Variants in NRXN3 observed in about 807,000 individuals in gnomAD.
NRXN3 encodes the protein neurexin III.
A neutral mutation model predicts 137.6 loss-of-function variants in NRXN3; 32 were observed. The observed-to-expected ratio is 0.23, with a 90% confidence interval of 0.18 to 0.31. The LOEUF (loss-of-function observed/expected upper bound fraction) is 0.31. NRXN3 is among the 10% of genes least tolerant of loss of function. The pLI is 1.00. For synonymous variants in NRXN3, 798 were observed against 784.5 expected (o/e 1.02, Z -0.29); for missense variants, 1,574 against 2,062.5 (o/e 0.76, Z 4.59).
At chr14:78,296,122 G>A (rs1341053282) in intron 3 of NRXN3, among the ~76,000 whole-genome samples, 5 of 147,418 alleles carry the variant, frequency 3.4e-5, no homozygotes, top group Admixed American at 6.8e-5. Context: ...GCAGTGGTGC[G>A]ATCATAGCTC....
At chr14:79,194,402 G>A (rs11625721) in intron 15 of NRXN3, among the ~76,000 whole-genome samples, 34,659 of 152,110 alleles carry the variant, frequency 0.23, 4,499 homozygotes, top group Non-Finnish European at 0.3. Context: ...AACATATTTG[G>A]TGTTGCACTG....
Position 78,345,285 on chromosome 14 carries a change from A to G in NRXN3, c.757+47425A>G, listed in dbSNP as rs376639669. ...AAGGGCACCCGGGTTTATGGCAGCA[A>G]TATTTCTCACAGTGTCAGAGATAAA... is the stretch of plus-strand genomic sequence containing the variant. On this transcript the variant is annotated intron_variant, in intron 4 of 20. Coordinates refer to ENST00000335750, the MANE Select transcript of NRXN3 (RefSeq NM_001330195.2). 2.6e-5 allele frequency among the ~76,000 whole-genome samples: 4 copies of G among 152,188 alleles called. No homozygotes were observed. The South Asian group carries it at 8.3e-4, about 31-fold the overall frequency.
intron 8 of NRXN3, among the ~76,000 whole-genome samples, chr14:78,756,545 CAAAA>C (rs869164043): frequency 4.2e-5 from 3 of 70,812 alleles, no homozygotes; most frequent in Non-Finnish European, 6.3e-5. Context: ...GATTCTGTCT[CAAAA>C]AAAAAAAAAA....
At chr14:78,388,182 A>G (rs1436518433) in intron 4 of NRXN3, among the ~76,000 whole-genome samples, 4 of 152,200 alleles carry the variant, frequency 2.6e-5, no homozygotes, top group African/African-American at 9.6e-5. Flanking sequence ...CTTCAGTTAC[A>G]TAATGTGCCT....
At chr14:79,056,652 G>A (rs984120195) in intron 15 of NRXN3, among the ~76,000 whole-genome samples, 1 of 152,178 alleles carries the variant, frequency 6.6e-6, no homozygotes, top group Admixed American at 6.5e-5. Flanking sequence ...AGAACCTTTA[G>A]ATCTTATGAA....
Position 78,669,088 on chromosome 14 carries a change from C to T in NRXN3, c.1221+17762C>T, listed in dbSNP as rs966654186. Among the ~76,000 whole-genome samples the T allele has an allele frequency of 2.6e-5, 4 of 151,896 alleles. No homozygotes were observed. The East Asian group carries it at 7.7e-4, about 29-fold the overall frequency. ...CCTGATCTGAGATATTAGAGATGGT[C>T]TCCTGAAAGAGAAAGAACATGAACA... On this transcript the variant is annotated intron_variant, in intron 6 of 20. Coordinates refer to ENST00000335750, the MANE Select transcript of NRXN3 (RefSeq NM_001330195.2).
chr14:78,477,307 C>G (rs1448970970), intron 4 of NRXN3, among the ~76,000 whole-genome samples: 1 of 152,098 alleles, frequency 6.6e-6, no homozygotes, highest in Non-Finnish European at 1.5e-5. Flanking sequence ...GTATTAATAC[C>G]TTTCTCTTTA....
chr14:79,840,483 T>C (rs1429776147), intron 20 of NRXN3, among the ~76,000 whole-genome samples: 3 of 152,202 alleles, frequency 2.0e-5, no homozygotes. Context: ...GGATCTCCTG[T>C]GGAAGTTGTT....
chr14:79,078,709 T>C (rs1266138863), intron 15 of NRXN3, among the ~76,000 whole-genome samples: 1 of 152,204 alleles, frequency 6.6e-6, no homozygotes, highest in African/African-American at 2.4e-5. Flanking sequence ...TATAATTTTA[T>C]TTACACCAAC....
intron 19 of NRXN3, among the ~76,000 whole-genome samples, chr14:79,717,492 G>A (rs1432337115): frequency 6.6e-6 from 1 of 152,102 alleles, no homozygotes; most frequent in Non-Finnish European, 1.5e-5. Context: ...TGAGAGACTG[G>A]GTCAGGCTTT....
At chr14:78,233,959 CAT>C (rs1473387757) in intron 1 of NRXN3, among the ~76,000 whole-genome samples, 1 of 152,186 alleles carries the variant, frequency 6.6e-6, no homozygotes, top group Non-Finnish European at 1.5e-5. Flanking sequence ...ATAATTCCCA[CAT>C]GTCATGGGAG....
At chr14:78,386,890 C>T (rs2090048731) in intron 4 of NRXN3, among the ~76,000 whole-genome samples, 1 of 151,998 alleles carries the variant, frequency 6.6e-6, no homozygotes, top group Admixed American at 6.6e-5. Context: ...AGTGATTGTC[C>T]TATCTCAGCC....
At chr14:79,711,859 T>TG (rs1306316773) in intron 19 of NRXN3, among the ~76,000 whole-genome samples, 2 of 152,126 alleles carry the variant, frequency 1.3e-5, no homozygotes, top group African/African-American at 4.8e-5. Context: ...ATGATGGAGC[T>TG]GGGGGGATCT....
At chr14:79,171,646 A>G (rs2061788399) in intron 15 of NRXN3, among the ~76,000 whole-genome samples, 1 of 152,180 alleles carries the variant, frequency 6.6e-6, no homozygotes, top group African/African-American at 2.4e-5. Flanking sequence ...ATGCCTGATC[A>G]TAAGAGTGGA....
intron 2 of NRXN3, among the ~76,000 whole-genome samples, chr14:78,276,801 A>G (rs1328946306): frequency 6.6e-6 from 1 of 152,224 alleles, no homozygotes; most frequent in African/African-American, 2.4e-5. Flanking sequence ...ATTTGTATGA[A>G]CAATGGTGTT....
At chr14:79,675,706 G>A (rs192462957) in intron 17 of NRXN3, among the ~76,000 whole-genome samples, 1 of 152,132 alleles carries the variant, frequency 6.6e-6, no homozygotes, top group African/African-American at 2.4e-5. Flanking sequence ...AGAAGGACAG[G>A]CACTCCATTT....
chr14:79,345,857 T>C (rs571203230), intron 15 of NRXN3, among the ~76,000 whole-genome samples: 1 of 152,202 alleles, frequency 6.6e-6, no homozygotes, highest in Non-Finnish European at 1.5e-5. Flanking sequence ...TGCAGATCCA[T>C]GAATCAGTTA....
intron 15 of NRXN3, chr14:79,279,879 C>A (rs2080967155): frequency 9.8e-7 from 1 of 1,016,634 alleles, no homozygotes; most frequent in African/African-American, 1.7e-5. Context: ...CGGGCTGCCT[C>A]CTTCTCTTCC....
At chr14:79,134,366 C>A (rs986383121) in intron 15 of NRXN3, among the ~76,000 whole-genome samples, 11 of 152,140 alleles carry the variant, frequency 7.2e-5, no homozygotes, top group Non-Finnish European at 1.3e-4. Context: ...AATTAGGAAA[C>A]TTGAACGAAG....
Sources: gnomAD v4.1 joint callset for allele counts (sites outside exome capture counted in the v4.1 genomes callset) on GRCh38, gnomAD v4.1.1 for gene constraint, MANE v1.5 for transcripts, NCBI Gene and HGNC (gene_info 2026-07-23, HGNC 2026-07-21) for gene names.